The following SNTG1 variants were observed in gnomAD, a reference collection of about 807,000 sequenced individuals.
The protein encoded by SNTG1 is gamma-1-syntrophin.
SNTG1 carries 39 observed loss-of-function variants against 74.7 expected under a neutral mutation model. The observed-to-expected ratio is 0.52, with a 90% CI of 0.40 to 0.68. The LOEUF is 0.68. SNTG1 is among the 30% of genes least tolerant of loss of function. SNTG1 has a pLI of 0.00. For missense variants in SNTG1, 685 were observed against 609.5 expected (o/e 1.12, Z -1.30); for synonymous variants, 254 against 217.1 (o/e 1.17, Z -1.49).
At position 50,123,905 on chromosome 8, in the gene SNTG1, C is replaced by T. The variant is rs764227487; in HGVS notation, c.-102-48656C>T. On this transcript the variant is annotated intron_variant, in intron 1 of 18. Transcript: ENST00000642720. ...AGTCAAACGTAGACATCCCATTTCC[C>T]AAGGTGACTTTGCTTTTAACAAAAT... Among the ~76,000 whole-genome samples the T allele has an allele frequency of 5.6e-5, 8 of 142,418 alleles. 2 individuals carry two copies. Among genetic ancestry groups the T allele is most frequent in the African/African-American group, 1.0e-4 (4 of 39,384 alleles). 93.4% of individuals were successfully genotyped at this position (142,418 alleles called of 152,430 possible). A position where few individuals can be genotyped will look rare whatever the true frequency, so the allele number is the denominator to read the frequency against.
At position 50,098,981 on chromosome 8, in the gene SNTG1, C is replaced by T. The variant is rs528508168; in HGVS notation, c.-102-73580C>T. Among the ~76,000 whole-genome samples the T allele has an allele frequency of 1.0e-3, 159 of 152,106 alleles. 1 individual carries two copies. Among genetic ancestry groups the T allele is most frequent in the African/African-American group, 3.6e-3 (149 of 41,520 alleles). On this transcript the variant is annotated intron_variant, in intron 1 of 18. Coordinates refer to ENST00000642720, the MANE Select transcript of SNTG1 (RefSeq NM_018967.5). ...AATGTTACATGTACACATAGAACAA[C>T]GGGCCACAATCCATCTAGAGGTTAC...
At chr8:50,214,282 T>A (rs2084668474) in intron 2 of SNTG1, among the ~76,000 whole-genome samples, 1 of 137,266 alleles carries the variant, frequency 7.3e-6, no homozygotes, top group African/African-American at 2.6e-5. Flanking sequence ...GGGGGAGGGA[T>A]AACATTAGGA....
chr8:50,093,334 C>A (rs1211682515), intron 1 of SNTG1, among the ~76,000 whole-genome samples: 8 of 151,992 alleles, frequency 5.3e-5, no homozygotes, highest in African/African-American at 1.9e-4. Context: ...TTAAAGTGTA[C>A]AATTCAGTGG....
chr8:50,702,056 G>A (rs1402132919), intron 15 of SNTG1, among the ~76,000 whole-genome samples: 1 of 48,436 alleles, frequency 2.1e-5, no homozygotes, highest in Non-Finnish European at 3.7e-5. Flanking sequence ...TCACCATGTG[G>A]GACAGTCTGG....
At chr8:50,535,263 TG>T (rs2094299137) in intron 10 of SNTG1, among the ~76,000 whole-genome samples, 2 of 152,166 alleles carry the variant, frequency 1.3e-5, no homozygotes, top group South Asian at 4.1e-4. Flanking sequence ...ACTACTCAGT[TG>T]GGAAACTGGT....
intron 1 of SNTG1, among the ~76,000 whole-genome samples, chr8:49,965,440 AC>A (rs1294214788): frequency 6.6e-6 from 1 of 152,214 alleles, no homozygotes; most frequent in African/African-American, 2.4e-5. Context: ...CCTCTCAAGG[AC>A]ATTTCACTTT....
At chr8:50,409,745 C>T (rs1394070198) in intron 4 of SNTG1, among the ~76,000 whole-genome samples, 1 of 152,124 alleles carries the variant, frequency 6.6e-6, no homozygotes, top group South Asian at 2.1e-4. Flanking sequence ...TTAAATTTAG[C>T]CTGTGCTAGT....
chr8:50,617,087 C>T (rs781278924), intron 13 of SNTG1, among the ~76,000 whole-genome samples: 12 of 152,166 alleles, frequency 7.9e-5, no homozygotes, highest in Admixed American at 1.3e-4. Flanking sequence ...GAGATATCAT[C>T]TCTATTGTCC....
At chr8:50,570,276 A>ATTTTATTTTATTTTATTTTATT (rs796738437) in intron 12 of SNTG1, among the ~76,000 whole-genome samples, 1 of 40,038 alleles carries the variant, frequency 2.5e-5, no homozygotes, top group Non-Finnish European at 9.1e-5. Flanking sequence ...ATTTTATTTT[A>ATTTTATTTTATTTTATTTTATT]TAGATGGAGT....
At chr8:49,976,405 T>C (rs1454394330) in intron 1 of SNTG1, among the ~76,000 whole-genome samples, 1 of 152,206 alleles carries the variant, frequency 6.6e-6, no homozygotes, top group Non-Finnish European at 1.5e-5. Context: ...ACATATTGCC[T>C]GATTTCTGCC....
At chr8:50,768,148 C>T (rs1490327180) in intron 18 of SNTG1, among the ~76,000 whole-genome samples, 1 of 151,912 alleles carries the variant, frequency 6.6e-6, no homozygotes. Flanking sequence ...CCCAAGTCCC[C>T]ACCATCTCAG....
At chr8:50,724,169 A>AT (rs1419367094) in intron 17 of SNTG1, among the ~76,000 whole-genome samples, 10 of 152,270 alleles carry the variant, frequency 6.6e-5, no homozygotes, top group East Asian at 1.9e-4. Flanking sequence ...TCTTAGTTAC[A>AT]TTTTTTATAT....
chr8:50,651,481 G>A (rs1271121384), intron 13 of SNTG1, among the ~76,000 whole-genome samples: 2 of 151,992 alleles, frequency 1.3e-5, no homozygotes, highest in Non-Finnish European at 2.9e-5. Flanking sequence ...GGGGTGGATG[G>A]ATTTTCGCTC....
chr8:50,070,697 C>G (rs1821291296), intron 1 of SNTG1, among the ~76,000 whole-genome samples: 1 of 152,184 alleles, frequency 6.6e-6, no homozygotes, highest in Non-Finnish European at 1.5e-5. Flanking sequence ...TGGTCAGGTT[C>G]TCTATTGCTG....
intron 1 of SNTG1, chr8:50,163,424 T>G (rs978007882): frequency 1.3e-5 from 2 of 152,028 alleles, no homozygotes; most frequent in Admixed American, 1.3e-4. Context: ...AGTTTTTTTT[T>G]TTTTAATAAA....
chr8:49,985,744 G>A (rs1813096542), intron 1 of SNTG1, among the ~76,000 whole-genome samples: 1 of 152,024 alleles, frequency 6.6e-6, no homozygotes, highest in South Asian at 2.1e-4. Context: ...GTTATTTGGT[G>A]GCATATTCTC....
In SNTG1 at chr8:50,794,164, A is replaced by G. The variant is rs2095699124; in HGVS notation, c.*1335A>G. On this transcript the variant is annotated 3_prime_UTR_variant, in exon 19 of 19. Transcript: ENST00000642720. The stretch of plus-strand genomic sequence containing the variant: ...TATTGATACACATGCTCCCAGGTAA[A>G]CCAAGTATTATGTGTGTCCTTGTGG... 1 of 151,940 alleles carries G rather than the reference A, an allele frequency of 6.6e-6. No homozygotes were observed. The highest frequency in any genetic ancestry group is 2.4e-5 in the African/African-American group (1 of 41,430). 9.4% of individuals were successfully genotyped at this position (151,940 alleles called of 1,614,324 possible). A position where few individuals can be genotyped will look rare whatever the true frequency, so the allele number is the denominator to read the frequency against.
At chr8:50,549,057 C>T (rs935458678) in intron 11 of SNTG1, among the ~76,000 whole-genome samples, 2 of 152,072 alleles carry the variant, frequency 1.3e-5, no homozygotes, top group Admixed American at 6.6e-5. Flanking sequence ...GAGAAAGACG[C>T]TGTTGCAAAA....
chr8:50,693,530 T>C (rs2095391589), intron 15 of SNTG1, among the ~76,000 whole-genome samples: 1 of 152,190 alleles, frequency 6.6e-6, no homozygotes. Flanking sequence ...ATAACAATTA[T>C]AGAGGCTTCA....
Sources: allele counts gnomAD v4.1 joint callset (sites outside exome capture counted in the v4.1 genomes callset), GRCh38; gene constraint gnomAD v4.1.1; transcripts MANE v1.5; gene names NCBI Gene and HGNC (gene_info 2026-07-23, HGNC 2026-07-21).